The following TEF variants were observed in gnomAD, a reference collection of about 807,000 sequenced individuals.
The protein encoded by TEF is TEF transcription factor, PAR bZIP family member.
Under a neutral mutation model 20.8 loss-of-function variants are expected in TEF, and 3 were observed. The observed-to-expected ratio is 0.14, with a 90% CI of 0.07 to 0.37. The LOEUF (loss-of-function observed/expected upper bound fraction) is 0.37, where lower values mean the gene tolerates loss of function less well. Ranked by LOEUF, TEF falls within the 10% of genes least tolerant of loss-of-function variation. TEF has a pLI of 1.00. For missense variants in TEF, 296 were observed against 397.9 expected (o/e 0.74, Z 2.18); for synonymous variants, 180 against 171.1 (o/e 1.05, Z -0.41).
intron 2 of TEF, among the ~76,000 whole-genome samples, chr22:41,390,118 T>C (rs2037148371): frequency 6.6e-6 from 1 of 152,294 alleles, no homozygotes; most frequent in Non-Finnish European, 1.5e-5. Flanking sequence ...CTCAAACTCC[T>C]GACCTCAGGT....
chr22:41,381,899 G>T, upstream of TEF: 3 of 1,226,134 alleles, frequency 2.4e-6, no homozygotes, highest in Non-Finnish European at 3.0e-6. Flanking sequence ...GTCCGCAGGC[G>T]GGGTAGCGAT....
chr22:41,397,086 T>G lies in TEF; in HGVS notation c.*1126T>G, dbSNP rs9611577. ...GCTTCAGGATCTCTCCCATGCGAGC[T>G]GCCCGGAGGGTGTCAGCAGGGCAAG... On this transcript the variant is annotated 3_prime_UTR_variant, in exon 4 of 4. Coordinates refer to ENST00000266304, the MANE Select transcript of TEF (RefSeq NM_003216.4). 90,278 of 398,590 alleles carry G rather than the reference T, an allele frequency of 0.23. 11,643 individuals carry two copies. The highest frequency in any genetic ancestry group is 0.42 in the Admixed American group (9,562 of 22,702). The allele number at this position is 398,590 out of a possible 1,614,324, so 24.7% of individuals were successfully genotyped here. A position where few individuals can be genotyped will look rare whatever the true frequency, so the allele number is the denominator to read the frequency against.
At chr22:41,379,425 T>G (rs1464421006), upstream of TEF, among the ~76,000 whole-genome samples, 1 of 151,470 alleles carries the variant, frequency 6.6e-6, no homozygotes, top group African/African-American at 2.4e-5. Flanking sequence ...GAGAATCGCT[T>G]GAACTCAGGA....
rs563103811 is a variant in TEF at position 41,399,136 on chromosome 22, T to C, written c.*3176T>C. On this transcript the variant is annotated 3_prime_UTR_variant, in exon 4 of 4. Transcript: ENST00000266304. ...TCCAGCGGGCCCCTCTCTTTACCTT[T>C]GTTGGGGGAAGGAGGCAAGAGAGAA... The C allele has an allele frequency of 6.5e-6, 1 of 152,708 alleles. No individual in the cohort carries two copies. The highest frequency in any genetic ancestry group is 2.4e-5 in the African/African-American group (1 of 41,540). The allele number at this position is 152,708 out of a possible 1,614,324, so 9.5% of individuals were successfully genotyped here. A position where few individuals can be genotyped will look rare whatever the true frequency, so the allele number is the denominator to read the frequency against.
At chr22:41,393,308 T>C (rs192799328) in intron 2 of TEF, among the ~76,000 whole-genome samples, 21 of 141,406 alleles carry the variant, frequency 1.5e-4, no homozygotes, top group African/African-American at 5.7e-4. Flanking sequence ...ACCACTATAC[T>C]CCAGCCTAGG....
chr22:41,369,533 A>T (rs1390991835), intron 1 of TEF, among the ~76,000 whole-genome samples: 8 of 152,228 alleles, frequency 5.3e-5, no homozygotes, highest in Non-Finnish European at 1.0e-4. Flanking sequence ...CTGAAGAGCC[A>T]CAGGACTCAC....
upstream of TEF, among the ~76,000 whole-genome samples, chr22:41,377,938 A>G (rs1387114797): frequency 1.3e-5 from 2 of 152,218 alleles, no homozygotes; most frequent in African/African-American, 4.8e-5. Context: ...ACAGCTAAAA[A>G]AAGAAAATCT....
In TEF at chr22:41,398,760, C is replaced by T. The variant is rs1172892366; in HGVS notation, c.*2800C>T. On this transcript the variant is annotated 3_prime_UTR_variant, in exon 4 of 4. Transcript: ENST00000266304. ...AACCCTGCTGAGGGGCTGTGCAGGC[C>T]GCTCCTACGGTCCTTTGGCCTGAGG... 1.3e-5 allele frequency: 2 copies of T among 152,320 alleles called. No individual in the cohort carries two copies. Among genetic ancestry groups the T allele is most frequent in the South Asian group, 2.1e-4 (1 of 4,820 alleles). The allele number at this position is 152,320 out of a possible 1,614,324, so 9.4% of individuals were successfully genotyped here.
At chr22:41,378,412 C>G (rs2036974777), upstream of TEF, among the ~76,000 whole-genome samples, 1 of 143,280 alleles carries the variant, frequency 7.0e-6, no homozygotes, top group Non-Finnish European at 1.5e-5. Context: ...GTGGCGTGAT[C>G]TCGGCTCACT....
At position 41,396,029 on chromosome 22, in the gene TEF, C is replaced by T; in HGVS notation, c.*69C>T. ...CTCTGCCTGGGGGCTCCCTGTAACC[C>T]CTCACACGCGTGGAGACTTATGACT... On this transcript the variant is annotated 3_prime_UTR_variant, in exon 4 of 4. Coordinates refer to ENST00000266304, the MANE Select transcript of TEF (RefSeq NM_003216.4). The T allele has an allele frequency of 6.6e-7, 1 of 1,519,248 alleles. No homozygotes were observed. Among genetic ancestry groups the T allele is most frequent in the South Asian group, 1.2e-5 (1 of 82,520 alleles). 94.1% of individuals were successfully genotyped at this position (1,519,248 alleles called of 1,614,324 possible).
intron 1 of TEF, among the ~76,000 whole-genome samples, chr22:41,385,554 G>A (rs2037087946): frequency 6.6e-6 from 1 of 152,124 alleles, no homozygotes; most frequent in Non-Finnish European, 1.5e-5. Flanking sequence ...ACAGGACAGG[G>A]GAACACAGAA....
intron 2 of TEF, among the ~76,000 whole-genome samples, chr22:41,388,590 AAAAAG>A (rs1204726420): frequency 4.6e-5 from 7 of 152,044 alleles, no homozygotes; most frequent in Admixed American, 1.3e-4. Context: ...AAAAAAAAAA[AAAAAG>A]AAAGCATTCC....
intron 1 of TEF, chr22:41,370,234 C>T (rs1175735308): frequency 5.1e-6 from 2 of 391,748 alleles, no homozygotes; most frequent in African/African-American, 4.4e-5. Context: ...CCTGCCTCAG[C>T]TACCCGAGTA....
intron 1 of TEF, among the ~76,000 whole-genome samples, chr22:41,372,270 A>C (rs1462013389): frequency 1.3e-5 from 2 of 150,610 alleles, no homozygotes; most frequent in African/African-American, 2.5e-5. Flanking sequence ...CCTGCCCCCC[A>C]CCCCATCCCT....
chr22:41,396,071 C>A lies in TEF; in HGVS notation c.*111C>A. The A allele has an allele frequency of 2.5e-6, 3 of 1,209,204 alleles. No individual in the cohort carries two copies. The highest frequency in any genetic ancestry group is 1.5e-5 in the South Asian group (1 of 66,642). The allele number at this position is 1,209,204 out of a possible 1,614,324, so 74.9% of individuals were successfully genotyped here. ...CTTATGACTCGTCGTGGGCGCATGG[C>A]GGCGCACCTGCTGCAGGAGCGGCCA... On this transcript the variant is annotated 3_prime_UTR_variant, in exon 4 of 4. Transcript: ENST00000266304.
chr22:41,389,077 A>G (rs1473807937), intron 2 of TEF, among the ~76,000 whole-genome samples: 1 of 152,142 alleles, frequency 6.6e-6, no homozygotes, highest in South Asian at 2.1e-4. Context: ...AAATCCATCA[A>G]CATTCAGATT....
At chr22:41,393,668 G>A (rs2037192710) in intron 2 of TEF, among the ~76,000 whole-genome samples, 1 of 151,674 alleles carries the variant, frequency 6.6e-6, no homozygotes, top group African/African-American at 2.4e-5. Flanking sequence ...AGCTACTCAG[G>A]AGGCTGAGGC....
At chr22:41,385,456 A>G (rs2037086366) in intron 1 of TEF, among the ~76,000 whole-genome samples, 2 of 152,162 alleles carry the variant, frequency 1.3e-5, no homozygotes, top group African/African-American at 4.8e-5. Flanking sequence ...GTTAAGTAAC[A>G]TGGCTAAGGT....
intron 1 of TEF, among the ~76,000 whole-genome samples, chr22:41,373,588 ACCTCCTGAGTAG>A (rs2036907266): frequency 6.6e-6 from 1 of 150,812 alleles, no homozygotes; most frequent in African/African-American, 2.4e-5. Context: ...TCCTGCCTCA[ACCTCCTGAGTAG>A]CTGGGATTAT....
Sources: gnomAD v4.1 joint callset for allele counts (sites outside exome capture counted in the v4.1 genomes callset) on GRCh38, gnomAD v4.1.1 for gene constraint, MANE v1.5 for transcripts, NCBI Gene and HGNC (gene_info 2026-07-23, HGNC 2026-07-21) for gene names.